The following GRID2 variants were observed in gnomAD, a reference collection of about 807,000 sequenced individuals.
The protein encoded by GRID2 is glutamate ionotropic receptor delta type subunit 2, also known as glutamate receptor ionotropic, delta-2.
In GRID2, 33 loss-of-function variants were observed where a neutral mutation model predicts 114.8. The ratio of observed to expected loss-of-function variants is 0.29; its 90% CI spans 0.22 to 0.38. The LOEUF (loss-of-function observed/expected upper bound fraction) is 0.38, where lower values mean the gene tolerates loss of function less well. Among genes scored for constraint, GRID2 ranks in the 10% least tolerant of loss-of-function variants. GRID2 has a pLI of 1.00. For synonymous variants in GRID2, 505 were observed against 449.9 expected (o/e 1.12, Z -1.55); for missense variants, 1,184 against 1,257.7 (o/e 0.94, Z 0.89).
intron 1 of GRID2, among the ~76,000 whole-genome samples, chr4:92,358,905 T>G (rs1382538567): frequency 6.6e-6 from 1 of 151,974 alleles, no homozygotes; most frequent in Non-Finnish European, 1.5e-5. Context: ...CATACTTTTT[T>G]GCATTATGTA....
At chr4:93,568,531 G>A (rs574203115) in intron 13 of GRID2, among the ~76,000 whole-genome samples, 17 of 152,300 alleles carry the variant, frequency 1.1e-4, no homozygotes, top group African/African-American at 2.4e-4. Flanking sequence ...GAGAAACACC[G>A]TAGTAGAGGA....
intron 2 of GRID2, among the ~76,000 whole-genome samples, chr4:92,939,859 A>G (rs1290372871): frequency 6.8e-6 from 1 of 147,102 alleles, no homozygotes; most frequent in East Asian, 2.2e-4. Flanking sequence ...CAGGTTTGTC[A>G]AAGATCAGAT....
At chr4:92,702,336 C>G (rs1734716961) in intron 2 of GRID2, 1 of 152,148 alleles carries the variant, frequency 6.6e-6, no homozygotes, top group African/African-American at 2.4e-5. Flanking sequence ...AATGAATCTT[C>G]TTAACAACAT....
intron 2 of GRID2, among the ~76,000 whole-genome samples, chr4:92,899,287 C>T (rs1015274845): frequency 6.6e-6 from 1 of 151,710 alleles, no homozygotes; most frequent in Admixed American, 6.6e-5. Flanking sequence ...TGCTTGTTTG[C>T]ATATTTCTTT....
intron 5 of GRID2, among the ~76,000 whole-genome samples, chr4:93,216,501 G>T (rs1262926833): frequency 6.6e-6 from 1 of 152,002 alleles, no homozygotes; most frequent in South Asian, 2.1e-4. Context: ...TAAGACAATT[G>T]CTCCATTTAG....
chr4:93,627,579 G>A (rs898272936), intron 14 of GRID2, among the ~76,000 whole-genome samples: 1 of 152,186 alleles, frequency 6.6e-6, no homozygotes. Context: ...CATGAAACAA[G>A]GCTGTAATTT....
intron 2 of GRID2, among the ~76,000 whole-genome samples, chr4:92,745,076 TTAATC>T (rs559889897): frequency 2.2e-4 from 33 of 152,260 alleles, no homozygotes; most frequent in East Asian, 1.2e-3. Context: ...ACATGAGAGA[TTAATC>T]TAAACTCCAC....
intron 1 of GRID2, among the ~76,000 whole-genome samples, chr4:92,352,443 A>G (rs974924260): frequency 2.6e-5 from 4 of 151,518 alleles, no homozygotes; most frequent in Non-Finnish European, 5.9e-5. Flanking sequence ...ATAGTTTGCA[A>G]ATATTTTTCC....
chr4:92,610,663 A>G (rs1323331632), intron 2 of GRID2, among the ~76,000 whole-genome samples: 1 of 151,694 alleles, frequency 6.6e-6, no homozygotes, highest in African/African-American at 2.4e-5. Context: ...TTATATGGCC[A>G]TCACCAAAAT....
At chr4:92,966,294 T>C (rs551915449) in intron 2 of GRID2, among the ~76,000 whole-genome samples, 2 of 151,986 alleles carry the variant, frequency 1.3e-5, no homozygotes, top group East Asian at 1.9e-4. Context: ...AAAAGTGGTA[T>C]GATAATACTT....
At chr4:93,336,000 A>C (rs1759050391) in intron 8 of GRID2, among the ~76,000 whole-genome samples, 1 of 152,146 alleles carries the variant, frequency 6.6e-6, no homozygotes, top group South Asian at 2.1e-4. Context: ...CTTTCTTATC[A>C]AAGTAATTTT....
chr4:93,095,388 A>C (rs1359086672), intron 3 of GRID2, among the ~76,000 whole-genome samples: 8 of 152,036 alleles, frequency 5.3e-5, no homozygotes, highest in African/African-American at 1.9e-4. Context: ...CAGAAAACAA[A>C]ATTTGCCAGT....
intron 2 of GRID2, among the ~76,000 whole-genome samples, chr4:92,657,393 T>C (rs1732296053): frequency 6.6e-6 from 1 of 151,704 alleles, no homozygotes; most frequent in Non-Finnish European, 1.5e-5. Flanking sequence ...TTTTCCTAAT[T>C]AATATTTTTC....
At position 93,650,246 on chromosome 4, in the gene GRID2, G is replaced by T. The variant is rs903450703; in HGVS notation, c.2360+23811G>T. On this transcript the variant is annotated intron_variant, in intron 14 of 15. Coordinates refer to ENST00000282020, the MANE Select transcript of GRID2 (RefSeq NM_001510.4). ...GTTCCAAAATTCACTGGAAAGTGGG[G>T]AAAAAAAATAAGGACAAAATCATCA... Among the ~76,000 whole-genome samples the T allele has an allele frequency of 1.1e-4, 17 of 151,654 alleles. No individual in the cohort carries two copies. The South Asian group carries it at 3.5e-3, about 32-fold the overall frequency.
chr4:92,579,988 AT>A (rs1221895248), intron 1 of GRID2, among the ~76,000 whole-genome samples: 1 of 136,530 alleles, frequency 7.3e-6, no homozygotes. Flanking sequence ...ATGTATATGT[AT>A]TTTACATATA....
chr4:93,623,321 C>CA, intron 13 of GRID2, among the ~76,000 whole-genome samples: 1 of 152,106 alleles, frequency 6.6e-6, no homozygotes, highest in African/African-American at 2.4e-5. Flanking sequence ...CCTGACCCCC[C>CA]AACAGGCCCT....
chr4:93,331,187 A>G (rs1758397424), intron 8 of GRID2, among the ~76,000 whole-genome samples: 1 of 125,012 alleles, frequency 8.0e-6, no homozygotes, highest in Non-Finnish European at 1.6e-5. Context: ...CCCCTTTTCC[A>G]CTTCATTCTG....
chr4:93,048,937 G>A (rs1726428100), intron 2 of GRID2, among the ~76,000 whole-genome samples: 1 of 152,010 alleles, frequency 6.6e-6, no homozygotes, highest in Admixed American at 6.6e-5. Flanking sequence ...TGAGACAAAT[G>A]TTAAATATGG....
At chr4:92,583,354 T>C (rs1239988774) in intron 1 of GRID2, among the ~76,000 whole-genome samples, 1 of 152,096 alleles carries the variant, frequency 6.6e-6, no homozygotes, top group East Asian at 1.9e-4. Flanking sequence ...TATTTGCTAA[T>C]TGTCATGAAT....
Sources: allele counts gnomAD v4.1 joint callset (sites outside exome capture counted in the v4.1 genomes callset), GRCh38; gene constraint gnomAD v4.1.1; transcripts MANE v1.5; gene names NCBI Gene and HGNC (gene_info 2026-07-23, HGNC 2026-07-21).